GRID2: variants seen among roughly 807,000 people sequenced by gnomAD.
The protein encoded by GRID2 is glutamate ionotropic receptor delta type subunit 2.
A neutral mutation model predicts 114.8 loss-of-function variants in GRID2; 33 were observed. The observed-to-expected ratio is 0.29, with a 90% CI of 0.22 to 0.38. The LOEUF is 0.38. Ranked by LOEUF, GRID2 falls within the 10% of genes least tolerant of loss-of-function variation. The pLI is 1.00. For synonymous variants in GRID2, 505 were observed against 449.9 expected (o/e 1.12, Z -1.55); for missense variants, 1,184 against 1,257.7 (o/e 0.94, Z 0.89).
At chr4:93,511,845 T>A (rs1316342740) in intron 12 of GRID2, among the ~76,000 whole-genome samples, 2 of 151,278 alleles carry the variant, frequency 1.3e-5, no homozygotes. Context: ...AGTGCAATGG[T>A]GCAATCTCAG....
intron 2 of GRID2, among the ~76,000 whole-genome samples, chr4:93,017,806 G>GAA (rs796967580): frequency 1.6e-4 from 8 of 49,310 alleles, no homozygotes; most frequent in East Asian, 1.1e-3. Flanking sequence ...TCCTTTTCAA[G>GAA]AAAAAAAAAA....
At chr4:93,516,604 A>G (rs1348119424) in intron 13 of GRID2, among the ~76,000 whole-genome samples, 1 of 152,118 alleles carries the variant, frequency 6.6e-6, no homozygotes, top group Admixed American at 6.6e-5. Flanking sequence ...CTTTCTCCAA[A>G]GAACCATTGG....
At chr4:93,277,684 C>T (rs1342615947) in intron 8 of GRID2, among the ~76,000 whole-genome samples, 1 of 151,852 alleles carries the variant, frequency 6.6e-6, no homozygotes, top group African/African-American at 2.4e-5. Flanking sequence ...ATTTTCATTG[C>T]ATGTATTTAA....
rs558405060 is a variant in GRID2 at position 93,087,184 on chromosome 4, G to T, written c.529+1905G>T. Among the ~76,000 whole-genome samples the T allele has an allele frequency of 5.9e-5, 9 of 151,426 alleles. No individual in the cohort carries two copies. In the South Asian group the frequency reaches 1.9e-3, roughly 32 times the overall value. ...CAAGTAGCTGGGACTACAGGCACGT[G>T]CCAACACGCCTAGCTATTGTTTTTT... On this transcript the variant is annotated intron_variant, in intron 3 of 15. Coordinates refer to ENST00000282020, the MANE Select transcript of GRID2 (RefSeq NM_001510.4).
intron 5 of GRID2, among the ~76,000 whole-genome samples, chr4:93,214,904 T>C (rs928193457): frequency 5.3e-5 from 8 of 152,036 alleles, no homozygotes; most frequent in Non-Finnish European, 8.8e-5. Context: ...TAAGGAAATA[T>C]GGGCATGTAT....
At chr4:93,775,918 C>T (rs370492539), downstream of GRID2, among the ~76,000 whole-genome samples, 41 of 152,146 alleles carry the variant, frequency 2.7e-4, 3 homozygotes, top group South Asian at 6.4e-3. Context: ...TAGACTTTAC[C>T]GAATGGTACT....
rs558825524 is a variant in GRID2, at chr4:92,304,820, T to G, written c.88+76T>G. 1.6e-3 allele frequency: 1,664 copies of G among 1,026,870 alleles called. 3 individuals carry two copies. The highest frequency in any genetic ancestry group is 2.3e-3 in the Non-Finnish European group (1,491 of 648,398). 63.6% of individuals were successfully genotyped at this position (1,026,870 alleles called of 1,614,324 possible). Reference sequence around the variant, plus strand: ...AAATGTTTCCCCTTCGCTTTCCCCCTCTCCGGTCTCTGTGTGTCTTGTTGG... The same window carrying G: ...AAATGTTTCCCCTTCGCTTTCCCCCGCTCCGGTCTCTGTGTGTCTTGTTGG... On this transcript the variant is annotated intron_variant, in intron 1 of 15. Coordinates refer to ENST00000282020, the MANE Select transcript of GRID2 (RefSeq NM_001510.4).
At chr4:92,609,356 A>G (rs1729609865) in intron 2 of GRID2, among the ~76,000 whole-genome samples, 3 of 151,664 alleles carry the variant, frequency 2.0e-5, no homozygotes, top group African/African-American at 4.8e-5. Context: ...GTAAAACACA[A>G]TATCTTGCTC....
intron 1 of GRID2, among the ~76,000 whole-genome samples, chr4:92,342,455 ATAAT>A (rs1727544926): frequency 6.6e-6 from 1 of 152,200 alleles, no homozygotes; most frequent in Non-Finnish European, 1.5e-5. Flanking sequence ...AAGAAGCCAT[ATAAT>A]TAGAGAAGTC....
chr4:92,656,361 G>T (rs554450736), intron 2 of GRID2, among the ~76,000 whole-genome samples: 4 of 151,378 alleles, frequency 2.6e-5, no homozygotes, highest in African/African-American at 7.2e-5. Context: ...GCTATCCATT[G>T]TTCTCCATAT....
chr4:93,647,007 T>A (rs1722170382), intron 14 of GRID2, among the ~76,000 whole-genome samples: 1 of 152,098 alleles, frequency 6.6e-6, no homozygotes, highest in Non-Finnish European at 1.5e-5. Context: ...TTATAACAGA[T>A]GTATAAATGT....
At chr4:93,500,077 A>C (rs1255328637) in intron 12 of GRID2, among the ~76,000 whole-genome samples, 1 of 152,052 alleles carries the variant, frequency 6.6e-6, no homozygotes, top group Non-Finnish European at 1.5e-5. Flanking sequence ...AAATGGCAGC[A>C]GTATGTTTAG....
chr4:92,443,078 G>A (rs370281627), intron 1 of GRID2, among the ~76,000 whole-genome samples: 49 of 152,178 alleles, frequency 3.2e-4, no homozygotes, highest in African/African-American at 1.1e-3. Context: ...AAGACTCAGC[G>A]AGGCTTGGGG....
intron 1 of GRID2, among the ~76,000 whole-genome samples, chr4:92,409,665 A>G (rs1318701271): frequency 6.6e-6 from 1 of 152,194 alleles, no homozygotes; most frequent in Non-Finnish European, 1.5e-5. Flanking sequence ...TAAATTTTAA[A>G]TACACATAAT....
intron 2 of GRID2, among the ~76,000 whole-genome samples, chr4:92,976,917 CACTT>C (rs1360922768): frequency 6.6e-6 from 1 of 152,130 alleles, no homozygotes; most frequent in Non-Finnish European, 1.5e-5. Context: ...CATGTTACGA[CACTT>C]ACTTTACTCA....
At chr4:92,600,042 GTGTATATA>G (rs1308298077) in intron 2 of GRID2, among the ~76,000 whole-genome samples, 3,404 of 69,630 alleles carry the variant, frequency 0.049, 50 homozygotes, top group Non-Finnish European at 0.07. Context: ...GTGTGTGTGT[GTGTATATA>G]TATATATATA....
intron 6 of GRID2, among the ~76,000 whole-genome samples, chr4:93,218,265 T>A (rs1579323571): frequency 6.6e-6 from 1 of 150,776 alleles, no homozygotes. Flanking sequence ...ATCTGGGAGG[T>A]CAAGGGGGAG....
intron 1 of GRID2, among the ~76,000 whole-genome samples, chr4:93,779,916 A>G (rs554162325): frequency 6.6e-6 from 1 of 152,326 alleles, no homozygotes; most frequent in East Asian, 1.9e-4. Context: ...AGCTGAAGAG[A>G]GAACACTACA....
intron 2 of GRID2, among the ~76,000 whole-genome samples, chr4:92,838,399 A>G (rs1218009095): frequency 6.6e-6 from 1 of 152,082 alleles, no homozygotes; most frequent in Admixed American, 6.6e-5. Flanking sequence ...ATAATAGTCT[A>G]CACTTGAGAT....
Sources: gnomAD v4.1 joint callset for allele counts (sites outside exome capture counted in the v4.1 genomes callset) on GRCh38, gnomAD v4.1.1 for gene constraint, MANE v1.5 for transcripts, NCBI Gene and HGNC (gene_info 2026-07-23, HGNC 2026-07-21) for gene names.